The following INTS9 variants were observed in gnomAD, a reference collection of about 807,000 sequenced individuals.
INTS9 encodes the protein integrator complex subunit 9.
Under a neutral mutation model 79.7 loss-of-function variants are expected in INTS9, and 55 were observed. That is an observed-to-expected ratio of 0.69 (90% CI 0.56 to 0.86). The LOEUF (loss-of-function observed/expected upper bound fraction) is 0.86. INTS9 is among the 40% of genes least tolerant of loss of function. The pLI is 0.00. For missense variants in INTS9, 721 were observed against 831.5 expected (o/e 0.87, Z 1.64); for synonymous variants, 319 against 325.2 (o/e 0.98, Z 0.20).
chr8:28,879,431 G>T (rs1014375911), intron 1 of INTS9, among the ~76,000 whole-genome samples: 1 of 152,168 alleles, frequency 6.6e-6, no homozygotes, highest in Non-Finnish European at 1.5e-5. Flanking sequence ...CTGATACAGG[G>T]CATCTATGAA....
In INTS9 at chr8:28,851,531, G is replaced by A. The variant is rs543929819; in HGVS notation, c.138-1258C>T. 5.9e-5 allele frequency among the ~76,000 whole-genome samples: 9 copies of A among 151,878 alleles called. No individual in the cohort carries two copies. The East Asian group carries it at 7.8e-4, about 13-fold the overall frequency. On this transcript the variant is annotated intron_variant, in intron 2 of 16. Transcript: ENST00000521022. ...CGGCTCACTGCAACCTCTGCCTCCC[G>A]GGTCCACGCCATTCTCCTGCCTCAG...
chr8:28,818,501 C>G (rs981056740), intron 6 of INTS9, among the ~76,000 whole-genome samples: 10 of 152,164 alleles, frequency 6.6e-5, no homozygotes, highest in African/African-American at 2.2e-4. Context: ...AGGGATGAAG[C>G]CCACTTGATC....
intron 2 of INTS9, among the ~76,000 whole-genome samples, chr8:28,852,064 A>T (rs1807868853): frequency 6.6e-6 from 1 of 151,812 alleles, no homozygotes; most frequent in Non-Finnish European, 1.5e-5. Context: ...ATAATAAATT[A>T]AAAAACTAGC....
chr8:28,832,392 A>T (rs1312220114), intron 6 of INTS9, among the ~76,000 whole-genome samples: 2 of 152,236 alleles, frequency 1.3e-5, no homozygotes, highest in Non-Finnish European at 2.9e-5. Context: ...ATCCCCAAAC[A>T]AGGAAACAGA....
At chr8:28,775,251 C>T (rs568327281) in intron 14 of INTS9, among the ~76,000 whole-genome samples, 2 of 152,288 alleles carry the variant, frequency 1.3e-5, no homozygotes, top group African/African-American at 4.8e-5. Flanking sequence ...AAGGAGCAGT[C>T]CTGACTAACA....
chr8:28,768,364 A>G (rs1802330493), intron 16 of INTS9, 42 bp from the exon 17 acceptor site: 4 of 1,578,542 alleles, frequency 2.5e-6, no homozygotes, highest in South Asian at 1.1e-5. Flanking sequence ...GGCAGACTGC[A>G]CATCTGTGAG....
At chr8:28,820,048 C>G (rs1204472648) in intron 6 of INTS9, among the ~76,000 whole-genome samples, 6 of 152,256 alleles carry the variant, frequency 3.9e-5, no homozygotes, top group African/African-American at 1.4e-4. Context: ...ATGTGTGTCT[C>G]TGCACGTAAG....
At chr8:28,787,926 G>C (rs770036352) in intron 10 of INTS9, 37 bp from the exon 11 acceptor site, 1 of 1,498,694 alleles carries the variant, frequency 6.7e-7, no homozygotes, top group Non-Finnish European at 9.2e-7. Flanking sequence ...ATGTGAGGAA[G>C]AGCATACGGT....
At chr8:28,863,800 C>T (rs1808582274) in intron 1 of INTS9, among the ~76,000 whole-genome samples, 1 of 151,052 alleles carries the variant, frequency 6.6e-6, no homozygotes, top group South Asian at 2.1e-4. Context: ...AAAACAAAAA[C>T]AAACAAACAA....
chr8:28,875,016 T>G (rs1809302139), intron 1 of INTS9, among the ~76,000 whole-genome samples: 1 of 152,186 alleles, frequency 6.6e-6, no homozygotes, highest in Non-Finnish European at 1.5e-5. Context: ...AGAGAGCTTG[T>G]GCAGGGAGAC....
chr8:28,881,827 T>C (rs185999310), intron 1 of INTS9, among the ~76,000 whole-genome samples: 161 of 106,898 alleles, frequency 1.5e-3, no homozygotes, highest in African/African-American at 5.2e-3. Context: ...TCCGGGAGGG[T>C]GGTGGGGGGG....
At chr8:28,889,605 A>G (rs1375613993) in intron 1 of INTS9, among the ~76,000 whole-genome samples, 1 of 152,170 alleles carries the variant, frequency 6.6e-6, no homozygotes, top group African/African-American at 2.4e-5. Flanking sequence ...CACAGAGTTC[A>G]TGGGCGAAGG....
chr8:28,816,129 T>C (rs1805457904), intron 6 of INTS9, among the ~76,000 whole-genome samples: 1 of 151,748 alleles, frequency 6.6e-6, no homozygotes, highest in African/African-American at 2.4e-5. Context: ...CAAAACTGAC[T>C]TTCTTTTTTT....
intron 3 of INTS9, among the ~76,000 whole-genome samples, chr8:28,847,560 C>T (rs1425733155): frequency 1.3e-5 from 2 of 152,102 alleles, no homozygotes; most frequent in Non-Finnish European, 2.9e-5. Flanking sequence ...TTTTTCCGTG[C>T]AGAACATACC....
At chr8:28,845,546 C>T (rs773929572) in intron 4 of INTS9, among the ~76,000 whole-genome samples, 7 of 152,182 alleles carry the variant, frequency 4.6e-5, no homozygotes, top group Non-Finnish European at 1.0e-4. Context: ...AGAAAGCCAT[C>T]GGGACAGCAA....
Position 28,837,659 on chromosome 8 carries a change from C to G in INTS9, c.379G>C (p.Glu127Gln), listed in dbSNP as rs1323194946. The G allele has an allele frequency of 6.2e-7, 1 of 1,613,274 alleles. No individual in the cohort carries two copies. Among genetic ancestry groups the G allele is most frequent in the Non-Finnish European group, 8.5e-7 (1 of 1,179,954 alleles). ...CACCTGCCGATCTGGACGGTGGGTT[C>G]CGTGGCATACACTGTGCCTGTGAAG... is the stretch of plus-strand genomic sequence containing the variant. ...TGFTGTVYAT[E>Q]PTVQIGRLLM... The change falls in exon 5 of 17, where the codon GAA (glutamate) becomes CAA (glutamine). Residue 127 changes from glutamate (E) to glutamine (Q), a missense_variant. Transcript: ENST00000521022.
intron 9 of INTS9, 43 bp downstream of exon 9, chr8:28,796,501 G>T: frequency 9.4e-7 from 1 of 1,065,476 alleles, no homozygotes; most frequent in Non-Finnish European, 1.5e-6. Context: ...TAAAATAAAT[G>T]CAAGATAGAT....
At chr8:28,770,047 G>A (rs1740466066) in intron 15 of INTS9, 21 bp from the exon 16 acceptor site, 1 of 1,611,562 alleles carries the variant, frequency 6.2e-7, no homozygotes, top group African/African-American at 1.3e-5. Context: ...AGGAAAGAGT[G>A]GCTTTCATGA....
chr8:28,832,172 G>T (rs1408650801), intron 6 of INTS9, among the ~76,000 whole-genome samples: 1 of 152,050 alleles, frequency 6.6e-6, no homozygotes, highest in Non-Finnish European at 1.5e-5. Context: ...AGGGAACTGG[G>T]GTCCTGTCCA....
Sources: allele counts gnomAD v4.1 joint callset (sites outside exome capture counted in the v4.1 genomes callset), GRCh38; gene constraint gnomAD v4.1.1; transcripts MANE v1.5; gene names NCBI Gene and HGNC (gene_info 2026-07-23, HGNC 2026-07-21).